The following EML1 variants were observed in gnomAD, a reference collection of about 807,000 sequenced individuals.
EML1 encodes the protein echinoderm microtubule-associated protein-like 1.
A neutral mutation model predicts 110.4 loss-of-function variants in EML1; 27 were observed. The observed-to-expected ratio is 0.24, with a 90% CI of 0.18 to 0.34. The LOEUF is 0.34. EML1 is among the 10% of genes least tolerant of loss of function. EML1 has a pLI of 1.00. For synonymous variants in EML1, 344 were observed against 385.8 expected, an observed-to-expected ratio of 0.89 and a Z score of 1.27; for missense variants, 741 against 1,030.9, an observed-to-expected ratio of 0.72 and a Z score of 3.85.
chr14:99,808,090 C>T (rs2058010676), intron 1 of EML1, among the ~76,000 whole-genome samples: 1 of 152,144 alleles, frequency 6.6e-6, no homozygotes. Context: ...TTGGTCTTTC[C>T]TCTGCGTTTC....
chr14:99,815,699 T>G (rs1401632161), intron 1 of EML1, among the ~76,000 whole-genome samples: 1 of 152,212 alleles, frequency 6.6e-6, no homozygotes, highest in Non-Finnish European at 1.5e-5. Context: ...AACTGGAGAT[T>G]AGTAGAATTA....
chr14:99,777,206 T>G (rs758742755), intron 1 of EML1, among the ~76,000 whole-genome samples: 1 of 152,116 alleles, frequency 6.6e-6, no homozygotes, highest in African/African-American at 2.4e-5. Flanking sequence ...TACATGATTT[T>G]AAGCTTAATT....
At chr14:99,876,289 G>T (rs375815149) in intron 3 of EML1, among the ~76,000 whole-genome samples, 2 of 152,278 alleles carry the variant, frequency 1.3e-5, no homozygotes, top group South Asian at 4.1e-4. Flanking sequence ...CAGGGGTCTT[G>T]CTGTGTTAAG....
At chr14:99,828,563 T>G (rs2058398081) in intron 1 of EML1, among the ~76,000 whole-genome samples, 1 of 152,186 alleles carries the variant, frequency 6.6e-6, no homozygotes, top group Non-Finnish European at 1.5e-5. Flanking sequence ...CAGTGTCTAA[T>G]TTATGAATTA....
At position 99,894,665 on chromosome 14, in the gene EML1, C is replaced by T. The variant is rs761687162; in HGVS notation, c.584C>T (p.Pro195Leu). 8 of 1,613,448 alleles carry T rather than the reference C, an allele frequency of 5.0e-6. No homozygotes were observed. The highest frequency in any genetic ancestry group is 6.8e-6 in the Non-Finnish European group (8 of 1,179,798). ...GYVKMFLRGR[P>L]VTMYMPKDQV... is the part of the protein sequence containing the mutation. ...GTAAAAATGTTTCTTCGTGGACGCCCTGTTACCATGTACATGCCCAAAGAT... is the reference window on the plus strand; with the variant it reads ...GTAAAAATGTTTCTTCGTGGACGCCTTGTTACCATGTACATGCCCAAAGAT... Residue 195 changes from proline to leucine, a missense_variant, in exon 6 of 22, where the codon CCT becomes CTT. Physicochemically the swap from Pro to Leu is moderately conservative, Grantham distance 98. Around this residue, in one of 4 missense-constraint regions of EML1, gnomAD observed 226 missense variants for 255.6 expected, o/e 0.88. Transcript: ENST00000262233.
upstream of EML1, among the ~76,000 whole-genome samples, chr14:99,772,063 G>A (rs938696165): frequency 6.6e-6 from 1 of 152,260 alleles, no homozygotes; most frequent in East Asian, 1.9e-4. Context: ...CATTTTTCTG[G>A]CTCTTTGTGA....
At chr14:99,828,501 G>A (rs1472495333) in intron 1 of EML1, among the ~76,000 whole-genome samples, 1 of 152,066 alleles carries the variant, frequency 6.6e-6, no homozygotes, top group South Asian at 2.1e-4. Flanking sequence ...CTGGCATATT[G>A]TTATAATTGT....
At position 99,914,695 on chromosome 14, in the gene EML1, G is replaced by C; in HGVS notation, c.1750G>C (p.Glu584Gln). Residue 584 changes from glutamate to glutamine, a missense_variant and splice_region_variant, in exon 15 of 22, where the codon GAG becomes CAG. By Grantham distance (29) the Glu-to-Gln change is conservative. Coordinates refer to ENST00000262233, the MANE Select transcript of EML1 (RefSeq NM_004434.3). ...CCGTCCCGTCTGGGACAAAATAATA[G>C]AGGTAAACATGCACATTACATTTCC... ...GHRPVWDKIIEDPAQSSGFHP... is the reference protein window; with the variant it reads ...GHRPVWDKIIQDPAQSSGFHP... 6.2e-7 allele frequency: 1 copy of C among 1,602,160 alleles called. No individual in the cohort carries two copies. Among genetic ancestry groups the C allele is most frequent in the Non-Finnish European group, 8.5e-7 (1 of 1,177,168 alleles).
At chr14:99,753,332 C>T (rs540429861) in intron 1 of EML1, among the ~76,000 whole-genome samples, 10 of 151,666 alleles carry the variant, frequency 6.6e-5, no homozygotes, top group East Asian at 5.8e-4. Context: ...CAATTAAGTC[C>T]GAACCTCCTG....
At chr14:99,853,114 T>C (rs1288810977) in intron 2 of EML1, among the ~76,000 whole-genome samples, 1 of 152,200 alleles carries the variant, frequency 6.6e-6, no homozygotes, top group Non-Finnish European at 1.5e-5. Flanking sequence ...GTTTTCTTGA[T>C]TAAGAATGAT....
At chr14:99,874,052 T>C (rs1397888187) in intron 3 of EML1, among the ~76,000 whole-genome samples, 1 of 152,228 alleles carries the variant, frequency 6.6e-6, no homozygotes, top group Non-Finnish European at 1.5e-5. Context: ...TGGGATACTT[T>C]TGCAAAATTT....
At chr14:99,867,657 TG>T (rs2059125271) in intron 3 of EML1, among the ~76,000 whole-genome samples, 1 of 137,998 alleles carries the variant, frequency 7.2e-6, no homozygotes, top group Admixed American at 6.9e-5. Context: ...ATCTGATTTT[TG>T]TGTGTTGGTT....
At chr14:99,775,239 T>C (rs532096374) in intron 1 of EML1, among the ~76,000 whole-genome samples, 13 of 152,272 alleles carry the variant, frequency 8.5e-5, no homozygotes, top group Admixed American at 7.2e-4. Flanking sequence ...AGGGATCCGA[T>C]CTCTGTTCTC....
intron 5 of EML1, among the ~76,000 whole-genome samples, chr14:99,894,009 A>T (rs889943325): frequency 6.6e-6 from 1 of 152,256 alleles, no homozygotes; most frequent in Non-Finnish European, 1.5e-5. Context: ...AGAGTTTTGC[A>T]TCCTGATTTC....
rs537724736 is a variant in EML1, at chr14:99,774,394, C to T, written c.-27+381C>T. On this transcript the variant is annotated intron_variant, in intron 1 of 22. Coordinates refer to the EML1 transcript ENST00000327921. Reference sequence around the variant, plus strand: ...CCAGAGTCACCTGGTTTGGCCATGGCGATTGTTAAAAGATGCAAATGCTTC... The same window carrying T: ...CCAGAGTCACCTGGTTTGGCCATGGTGATTGTTAAAAGATGCAAATGCTTC... Among the ~76,000 whole-genome samples the T allele has an allele frequency of 2.4e-4, 37 of 152,258 alleles. 1 individual carries two copies. Among genetic ancestry groups the T allele is most frequent in the Admixed American group, 9.1e-4 (14 of 15,310 alleles).
At chr14:99,898,570 T>C (rs779892747) in intron 8 of EML1, among the ~76,000 whole-genome samples, 4 of 152,116 alleles carry the variant, frequency 2.6e-5, no homozygotes, top group Non-Finnish European at 4.4e-5. Flanking sequence ...CTAGCCAACA[T>C]AGTGAAACCC....
chr14:99,816,325 G>A (rs764223470), intron 1 of EML1, among the ~76,000 whole-genome samples: 7 of 152,182 alleles, frequency 4.6e-5, no homozygotes, highest in African/African-American at 9.7e-5. Context: ...TACCATGTCC[G>A]ACTAATTTTG....
chr14:99,793,188 A>C, upstream of EML1: 1 of 300,742 alleles, frequency 3.3e-6, no homozygotes, highest in Non-Finnish European at 4.8e-6. Flanking sequence ...CCCCGCGGGG[A>C]AAGAGGCCGC....
upstream of EML1, among the ~76,000 whole-genome samples, chr14:99,791,083 A>G (rs190523515): frequency 2.0e-5 from 3 of 151,086 alleles, no homozygotes; most frequent in African/African-American, 7.3e-5. Flanking sequence ...CTGGTCTTGA[A>G]CTCCTGAATT....
Sources: allele counts gnomAD v4.1 joint callset (sites outside exome capture counted in the v4.1 genomes callset), GRCh38; gene constraint gnomAD v4.1.1; regional missense constraint gnomAD v4.1.1; transcripts MANE v1.5; gene names NCBI Gene and HGNC (gene_info 2026-07-23, HGNC 2026-07-21).